Variants in TET2 observed in about 807,000 individuals in gnomAD.
The protein encoded by TET2 is methylcytosine dioxygenase TET2.
TET2 carries 299 observed loss-of-function variants against 142.9 expected under a neutral mutation model. The observed-to-expected ratio is 2.09, with a 90% CI of 1.90 to 2.30. The LOEUF is 2.30. TET2 is among the 30% of genes most tolerant of loss of function. The probability of loss-of-function intolerance (pLI) is 0.00; values close to 1 mark genes in which losing one functional copy is unlikely to be tolerated. For synonymous variants in TET2, 819 were observed against 849.0 expected, an observed-to-expected ratio of 0.96 and a Z score of 0.61; for missense variants, 2,418 against 2,378.0, an observed-to-expected ratio of 1.02 and a Z score of -0.35.
chr4:105,151,368 C>G (rs779663718), intron 1 of TET2, among the ~76,000 whole-genome samples: 39 of 152,050 alleles, frequency 2.6e-4, no homozygotes, highest in Non-Finnish European at 5.0e-4. Flanking sequence ...CACATTCTAT[C>G]AGCTTTGATT....
At chr4:105,256,262 A>T (rs1730126136) in intron 6 of TET2, among the ~76,000 whole-genome samples, 1 of 152,134 alleles carries the variant, frequency 6.6e-6, no homozygotes, top group Admixed American at 6.6e-5. Context: ...CTTTCCTTTC[A>T]GCCTGAAGTA....
chr4:105,241,901 T>C, intron 4 of TET2: 1 of 1,245,606 alleles, frequency 8.0e-7, no homozygotes, highest in Non-Finnish European at 1.0e-6. Context: ...AAGTGTGATA[T>C]GTTGAATAGA....
chr4:105,248,104 T>C (rs1355831462), intron 6 of TET2, among the ~76,000 whole-genome samples: 1 of 152,220 alleles, frequency 6.6e-6, no homozygotes, highest in Non-Finnish European at 1.5e-5. Context: ...AATCATCTTA[T>C]TTATATACAT....
chr4:105,162,743 A>T (rs1723922181), intron 1 of TET2, among the ~76,000 whole-genome samples: 1 of 152,182 alleles, frequency 6.6e-6, no homozygotes, highest in Non-Finnish European at 1.5e-5. Context: ...TTTATTATTT[A>T]CATTTTATTT....
At chr4:105,167,926 T>C (rs1230200469) in intron 1 of TET2, among the ~76,000 whole-genome samples, 2 of 152,208 alleles carry the variant, frequency 1.3e-5, no homozygotes, top group Admixed American at 1.3e-4. Context: ...AAGGAAACAC[T>C]AGAAACAACA....
intron 1 of TET2, among the ~76,000 whole-genome samples, chr4:105,160,162 A>G (rs1206396992): frequency 6.6e-6 from 1 of 152,086 alleles, no homozygotes; most frequent in East Asian, 1.9e-4. Context: ...CCCTTTCCCC[A>G]TCCTCTGTAA....
At position 105,277,096 on chromosome 4, in the gene TET2, G is replaced by C. The variant is rs968547333; in HGVS notation, c.*577G>C. 4.3e-6 allele frequency: 1 copy of C among 231,832 alleles called. No individual in the cohort carries two copies. The highest frequency in any genetic ancestry group is 8.5e-6 in the Non-Finnish European group (1 of 117,366). The allele number at this position is 231,832 out of a possible 1,614,324, so 14.4% of individuals were successfully genotyped here. A position where few individuals can be genotyped will look rare whatever the true frequency, so the allele number is the denominator to read the frequency against. ...TGAATAGCAGGAAAACACTGAATTT[G>C]TTTGGATGTTCTAAGAAATGGTGCT... On this transcript the variant is annotated 3_prime_UTR_variant, in exon 11 of 11. Coordinates refer to ENST00000380013, the MANE Select transcript of TET2 (RefSeq NM_001127208.3).
intron 1 of TET2, among the ~76,000 whole-genome samples, chr4:105,177,060 A>G (rs915736015): frequency 6.6e-6 from 1 of 152,238 alleles, no homozygotes; most frequent in Non-Finnish European, 1.5e-5. Context: ...ACACATTAAC[A>G]TACAACAACA....
intron 1 of TET2, among the ~76,000 whole-genome samples, chr4:105,178,831 A>G (rs1003625049): frequency 6.6e-6 from 1 of 152,138 alleles, no homozygotes; most frequent in Admixed American, 6.6e-5. Flanking sequence ...AAAGAAAATA[A>G]ACTAGTTGAA....
intron 2 of TET2, chr4:105,202,319 ATTAG>A (rs1299106483): frequency 3.3e-5 from 5 of 152,174 alleles, no homozygotes; most frequent in Non-Finnish European, 5.9e-5. Context: ...TGAATGTCAA[ATTAG>A]TTCTCTTTTT....
At chr4:105,266,618 T>C (rs1172201550) in intron 8 of TET2, among the ~76,000 whole-genome samples, 2 of 152,004 alleles carry the variant, frequency 1.3e-5, no homozygotes, top group Non-Finnish European at 2.9e-5. Context: ...AATGACCTTC[T>C]AGAAGTGAAA....
At chr4:105,225,889 T>A (rs1171376758) in intron 2 of TET2, among the ~76,000 whole-genome samples, 5 of 152,138 alleles carry the variant, frequency 3.3e-5, no homozygotes, top group African/African-American at 4.8e-5. Context: ...GCAAAGATAA[T>A]CTGGGAAGGT....
At chr4:105,230,632 TTTTCTATGAA>T (rs1172815772) in intron 2 of TET2, among the ~76,000 whole-genome samples, 1 of 152,208 alleles carries the variant, frequency 6.6e-6, no homozygotes, top group Non-Finnish European at 1.5e-5. Context: ...TCACATTTCA[TTTTCTATGAA>T]CTGTCCATGT....
intron 2 of TET2, among the ~76,000 whole-genome samples, chr4:105,231,405 T>C (rs895973375): frequency 1.3e-5 from 2 of 152,158 alleles, no homozygotes; most frequent in Non-Finnish European, 2.9e-5. Context: ...GTCTTCCACA[T>C]TTTAAAAACT....
intron 2 of TET2, among the ~76,000 whole-genome samples, chr4:105,223,239 C>T (rs1578649589): frequency 6.6e-6 from 1 of 152,200 alleles, no homozygotes; most frequent in Non-Finnish European, 1.5e-5. Context: ...TTATATTCTC[C>T]ATACTTAATC....
intron 6 of TET2, among the ~76,000 whole-genome samples, chr4:105,258,639 G>C (rs1348742149): frequency 6.6e-6 from 1 of 152,064 alleles, no homozygotes; most frequent in East Asian, 1.9e-4. Context: ...CCTATTCATA[G>C]TTGACAGAGT....
intron 2 of TET2, among the ~76,000 whole-genome samples, chr4:105,216,935 T>C (rs1432079213): frequency 6.6e-6 from 1 of 152,082 alleles, no homozygotes; most frequent in African/African-American, 2.4e-5. Flanking sequence ...TCTTTGCAGG[T>C]AGTTAAGTCT....
chr4:105,241,187 C>T, intron 3 of TET2, 152 bp from the exon 4 acceptor site: 1 of 1,287,166 alleles, frequency 7.8e-7, no homozygotes. Flanking sequence ...TCTAATAGAT[C>T]AGTCCATCAA....
chr4:105,192,916 A>G (rs971672962), intron 2 of TET2, among the ~76,000 whole-genome samples: 24 of 152,212 alleles, frequency 1.6e-4, no homozygotes, highest in African/African-American at 5.5e-4. Flanking sequence ...TGATAAAGAT[A>G]TAAAAACAAG....
Sources: allele counts gnomAD v4.1 joint callset (sites outside exome capture counted in the v4.1 genomes callset), GRCh38; gene constraint gnomAD v4.1.1; transcripts MANE v1.5; gene names NCBI Gene and HGNC (gene_info 2026-07-23, HGNC 2026-07-21).